Variants in VCP observed in about 807,000 individuals in gnomAD.
The protein encoded by VCP is transitional endoplasmic reticulum ATPase.
A neutral mutation model predicts 85.7 loss-of-function variants in VCP; 6 were observed. The ratio of observed to expected loss-of-function variants is 0.07; its 90% CI spans 0.04 to 0.14. The LOEUF (loss-of-function observed/expected upper bound fraction) is 0.14, where lower values mean the gene tolerates loss of function less well. Ranked by LOEUF, VCP falls within the 10% of genes least tolerant of loss-of-function variation. VCP has a pLI of 1.00. For synonymous variants in VCP, 384 were observed against 367.1 expected (o/e 1.05, Z -0.53); for missense variants, 353 against 1,043.4 (o/e 0.34, Z 9.12).
Position 35,062,015 on chromosome 9 carries a change from G to T in VCP, c.1069C>A (p.Leu357Ile). Residue 357 changes from leucine to isoleucine, a missense_variant, in exon 9 of 17, where the codon CTA becomes ATA. Physicochemically the swap from Leu to Ile is conservative, Grantham distance 5. Around this residue, in one of 8 missense-constraint regions of VCP, gnomAD observed 85 missense variants for 345.2 expected, o/e 0.25. Coordinates refer to ENST00000358901, the MANE Select transcript of VCP (RefSeq NM_007126.5). Reference sequence around the variant, plus strand: ...CTGGAGTCCTTACCAAATCGCCGTAGAGCTGGGTCAATGCTGTTGGGTCTG... The same window carrying T: ...CTGGAGTCCTTACCAAATCGCCGTATAGCTGGGTCAATGCTGTTGGGTCTG... ...TNRPNSIDPA[L>I]RRFGRFDREV... 6.2e-7 allele frequency: 1 copy of T among 1,614,214 alleles called. No individual in the cohort carries two copies. The highest frequency in any genetic ancestry group is 8.5e-7 in the Non-Finnish European group (1 of 1,180,040).
At position 35,066,689 on chromosome 9, in the gene VCP, C is replaced by T. The variant is rs866582683; in HGVS notation, c.431G>A (p.Arg144Gln). Residue 144 changes from arginine (R) to glutamine (Q), a missense_variant, in exon 4 of 17, where the codon CGA becomes CAA. Coordinates refer to ENST00000358901, the MANE Select transcript of VCP (RefSeq NM_007126.5). ...YLKPYFLEAY[R>Q]PIRKGDIFLV... ...TTAGCTCTCACCTTTCCGGATGGGT[C>T]GATACGCTTCCAGGAAGTACGGCTT... The T allele has an allele frequency of 6.2e-7, 1 of 1,613,844 alleles. No homozygotes were observed. The highest frequency in any genetic ancestry group is 1.3e-5 in the African/African-American group (1 of 74,854).
chr9:35,058,729 T>A (rs1195190543), intron 15 of VCP, among the ~76,000 whole-genome samples: 1 of 152,170 alleles, frequency 6.6e-6, no homozygotes, highest in South Asian at 2.1e-4. Flanking sequence ...ATCGTGCCAC[T>A]GCACTCCAGT....
At position 35,067,881 on chromosome 9, in the gene VCP, CCA is replaced by C. The variant is rs748148701; in HGVS notation, c.302+8_302+9del. On this transcript the variant is annotated splice_region_variant and intron_variant, in intron 3 of 16. Coordinates refer to ENST00000358901, the MANE Select transcript of VCP (RefSeq NM_007126.5). ...TCCCATCCCTGTGAAGCCAAAAACCCCACACACACCTGATGACATCCCCTAGG... is the reference window on the plus strand; with the variant it reads ...TCCCATCCCTGTGAAGCCAAAAACCCCACACACCTGATGACATCCCCTAGG... 6.2e-7 allele frequency: 1 copy of C among 1,614,158 alleles called. No individual in the cohort carries two copies. The highest frequency in any genetic ancestry group is 8.5e-7 in the Non-Finnish European group (1 of 1,180,034).
chr9:35,063,220 G>T, intron 6 of VCP, 140 bp from the exon 7 acceptor site: 1 of 755,570 alleles, frequency 1.3e-6, no homozygotes, highest in Non-Finnish European at 2.3e-6. Flanking sequence ...TAAATGCTAA[G>T]AAGACAATTA....
chr9:35,071,927 T>C (rs1209295049), intron 1 of VCP: 2 of 1,020,056 alleles, frequency 2.0e-6, no homozygotes, highest in Non-Finnish European at 2.3e-6. Context: ...CGGGGCCTGC[T>C]CTCTCCGGGG....
Position 35,062,091 on chromosome 9 carries a change from G to T in VCP, c.993C>A (p.Leu331=), listed in dbSNP as rs1294086588. 1 of 1,614,168 alleles carries T rather than the reference G, an allele frequency of 6.2e-7. No individual in the cohort carries two copies. Among genetic ancestry groups the T allele is most frequent in the South Asian group, 1.1e-5 (1 of 91,082 alleles). ...ERRIVSQLLT[L]MDGLKQRAHV... ...GTGCCCTCTGCTTTAGGCCATCCATGAGGGTCAACAACTGTGATACAATGC... is the reference window on the plus strand; with the variant it reads ...GTGCCCTCTGCTTTAGGCCATCCATTAGGGTCAACAACTGTGATACAATGC... The change falls in exon 9 of 17, where the codon CTC becomes CTA. Residue 331 remains leucine (L), a synonymous_variant. Coordinates refer to ENST00000358901, the MANE Select transcript of VCP (RefSeq NM_007126.5).
intron 15 of VCP, 166 bp from the exon 16 acceptor site, chr9:35,057,696 A>G (rs1238623545): frequency 2.3e-6 from 2 of 887,126 alleles, no homozygotes; most frequent in Non-Finnish European, 3.7e-6. Context: ...CTGCTTAAAA[A>G]CTTGTCAATG....
intron 9 of VCP, 141 bp downstream of exon 9, chr9:35,061,862 C>G: frequency 6.6e-7 from 1 of 1,525,226 alleles, no homozygotes; most frequent in Non-Finnish European, 9.0e-7. Flanking sequence ...TGGTTGGTCA[C>G]TCTAGACAGG....
At chr9:35,068,098 G>C in intron 2 of VCP, 35 bp from the exon 3 acceptor site, 1 of 1,613,944 alleles carries the variant, frequency 6.2e-7, no homozygotes, top group Non-Finnish European at 8.5e-7. Context: ...TGGGTCATTG[G>C]GCTGACGGGG....
Position 35,057,018 on chromosome 9 carries a change from G to A in VCP, c.*99C>T, listed in dbSNP as rs903301814. On this transcript the variant is annotated 3_prime_UTR_variant, in exon 17 of 17. Transcript: ENST00000358901. ...CTGTTCAGACTGGAGAATGGAGCAG[G>A]CTGTGGGCGCACCCCTGGTCCCTCT... is the stretch of plus-strand genomic sequence containing the variant. The A allele has an allele frequency of 8.6e-6, 10 of 1,166,718 alleles. No homozygotes were observed. Among genetic ancestry groups the A allele is most frequent in the Non-Finnish European group, 1.3e-5 (10 of 781,678 alleles). The allele number at this position is 1,166,718 out of a possible 1,614,324, so 72.3% of individuals were successfully genotyped here. A position where few individuals can be genotyped will look rare whatever the true frequency, so the allele number is the denominator to read the frequency against.
intron 1 of VCP, 146 bp from the exon 2 acceptor site, chr9:35,068,508 C>T (rs962764895): frequency 1.6e-5 from 12 of 767,714 alleles, no homozygotes; most frequent in South Asian, 5.6e-5. Flanking sequence ...GCCAAGGTCA[C>T]GAGGAGCAGT....
In VCP at chr9:35,062,036, G is replaced by C. The variant is rs1254487580; in HGVS notation, c.1048C>G (p.Pro350Ala). 1.2e-6 allele frequency: 2 copies of C among 1,614,032 alleles called. No homozygotes were observed. The highest frequency in any genetic ancestry group is 8.5e-7 in the Non-Finnish European group (1 of 1,180,036). ...CGTAGAGCTGGGTCAATGCTGTTGGGTCTGTTGGTTGCTGCCATAACAATC... is the reference window on the plus strand; with the variant it reads ...CGTAGAGCTGGGTCAATGCTGTTGGCTCTGTTGGTTGCTGCCATAACAATC... ...HVIVMAATNR[P>A]NSIDPALRRF... Residue 350 changes from proline (P) to alanine (A), a missense_variant, in exon 9 of 17, where the codon CCC (proline) becomes GCC (alanine). Pro to Ala is a conservative substitution (Grantham distance 27). Around this residue, in one of 8 missense-constraint regions of VCP, gnomAD observed 85 missense variants for 345.2 expected, o/e 0.25. Coordinates refer to ENST00000358901, the MANE Select transcript of VCP (RefSeq NM_007126.5).
intron 5 of VCP, 83 bp from the exon 6 acceptor site, chr9:35,064,368 C>G: frequency 6.3e-7 from 1 of 1,579,742 alleles, no homozygotes; most frequent in Non-Finnish European, 8.6e-7. Flanking sequence ...ATTCCACTAC[C>G]TAGTGTGCAA....
In VCP at chr9:35,059,793, T is replaced by C. The variant is rs142577424; in HGVS notation, c.1704A>G (p.Gln568=). ...CAAAGAATAGCACACAGGGGGCAGC[T>C]TGGCGGGCCTGTAGGAGGAATGGAT... The part of the protein sequence containing the change: ...NVREIFDKAR[Q]AAPCVLFFDE... The change falls in exon 14 of 17, where the codon CAA becomes CAG. Residue 568 remains glutamine, a synonymous_variant. Transcript: ENST00000358901. The surrounding 1 kb of genome is among the most constrained non-coding windows in gnomAD (Gnocchi z 4.9). The C allele has an allele frequency of 3.6e-3, 5,797 of 1,614,084 alleles. 10 individuals are homozygous for C. Among genetic ancestry groups the C allele is most frequent in the Admixed American group, 5.0e-3 (299 of 59,992 alleles).
chr9:35,061,902 C>T, intron 9 of VCP, 101 bp downstream of exon 9: 1 of 1,598,170 alleles, frequency 6.3e-7, no homozygotes, highest in Admixed American at 1.7e-5. Context: ...GACCCCTGGA[C>T]CCAATCACTG....
chr9:35,056,680 C>A lies in VCP; in HGVS notation c.*437G>T, dbSNP rs1828612726. 4.4e-6 allele frequency: 1 copy of A among 225,640 alleles called. No homozygotes were observed. The highest frequency in any genetic ancestry group is 2.2e-5 in the African/African-American group (1 of 44,522). 14.0% of individuals were successfully genotyped at this position (225,640 alleles called of 1,614,324 possible). On this transcript the variant is annotated 3_prime_UTR_variant, in exon 17 of 17. Transcript: ENST00000358901. The stretch of plus-strand genomic sequence containing the variant: ...AGCATGTAAAATAAATCAACCTACT[C>A]TCTATATAAACATCCAGCAACTGTG...
chr9:35,066,364 C>A (rs1385619850), intron 4 of VCP, among the ~76,000 whole-genome samples: 1 of 149,212 alleles, frequency 6.7e-6, no homozygotes, highest in South Asian at 2.2e-4. Flanking sequence ...TGGGTTCAAG[C>A]AATTCTCATG....
chr9:35,066,608 G>T, intron 4 of VCP, 67 bp downstream of exon 4: 10 of 1,501,110 alleles, frequency 6.7e-6, no homozygotes, highest in South Asian at 1.2e-5. Context: ...AAAAGAAAAT[G>T]AGATAAAGAT....
In VCP at chr9:35,059,595, G is replaced by A; in HGVS notation, c.1902C>T (p.Leu634=). 1 of 1,614,204 alleles carries A rather than the reference G, an allele frequency of 6.2e-7. No individual in the cohort carries two copies. The highest frequency in any genetic ancestry group is 1.1e-5 in the South Asian group (1 of 91,082). Residue 634 remains leucine, a synonymous_variant, in exon 14 of 17, where the codon CTC becomes CTT. Coordinates refer to ENST00000358901, the MANE Select transcript of VCP (RefSeq NM_007126.5). This position sits in a 1 kb window ranked among gnomAD's most constrained non-coding sequence, Gnocchi z 4.9. The stretch of plus-strand genomic sequence containing the variant: ...TGAGCTGATCAAGACGGCCAGGTCT[G>A]AGGATGGCAGGATCAATGATGTCAG... ...NRPDIIDPAI[L]RPGRLDQLIY...
Sources: gnomAD v4.1 joint callset for allele counts (sites outside exome capture counted in the v4.1 genomes callset) on GRCh38, gnomAD v4.1.1 for gene constraint, gnomAD v4.1.1 regional missense constraint, Gnocchi (gnomAD v3.1) non-coding constraint, MANE v1.5 for transcripts, NCBI Gene and HGNC (gene_info 2026-07-23, HGNC 2026-07-21) for gene names.